PADI6: variants seen among roughly 807,000 people sequenced by gnomAD.
PADI6 encodes the protein peptidyl arginine deiminase 6, also known as inactive protein-arginine deiminase type-6.
A neutral mutation model predicts 78.2 loss-of-function variants in PADI6; 66 were observed. That is an observed-to-expected ratio of 0.84 (90% CI 0.69 to 1.04). The LOEUF is 1.04. Ranked by LOEUF, PADI6 falls within the 50% of genes least tolerant of loss-of-function variation. The pLI, the probability that PADI6 is intolerant of heterozygous loss-of-function variation, is 0.00. For missense variants in PADI6, 854 were observed against 866.1 expected (o/e 0.99, Z 0.18); for synonymous variants, 397 against 346.9 (o/e 1.14, Z -1.60).
chr1:17,389,854 C>T (rs747378188), intron 8 of PADI6, among the ~76,000 whole-genome samples: 25 of 152,204 alleles, frequency 1.6e-4, no homozygotes, highest in Non-Finnish European at 3.5e-4. Context: ...AGGACACCCC[C>T]GCCCCACTCG....
chr1:17,380,780 C>T (rs913483201), intron 4 of PADI6, among the ~76,000 whole-genome samples: 1 of 152,154 alleles, frequency 6.6e-6, no homozygotes, highest in Non-Finnish European at 1.5e-5. Context: ...GTCTCTTTTC[C>T]AATTTGCCTC....
chr1:17,398,323 T>C (rs1428612425), intron 14 of PADI6, among the ~76,000 whole-genome samples: 1 of 152,154 alleles, frequency 6.6e-6, no homozygotes, highest in Non-Finnish European at 1.5e-5. Flanking sequence ...GTCTGAAGCC[T>C]ATTTCAAGAC....
At chr1:17,380,146 A>G (rs1382275575) in intron 4 of PADI6, among the ~76,000 whole-genome samples, 159 bp downstream of exon 4, 1 of 152,196 alleles carries the variant, frequency 6.6e-6, no homozygotes, top group African/African-American at 2.4e-5. Flanking sequence ...CTGTCACGGT[A>G]CAAGTCAGAG....
chr1:17,372,486 A>T, intron 1 of PADI6, 125 bp downstream of exon 1: 2 of 907,940 alleles, frequency 2.2e-6, no homozygotes, highest in East Asian at 4.8e-5. Flanking sequence ...CATCTTGGGA[A>T]GCCTTGGGTC....
At chr1:17,383,137 G>T (rs1445896866) in intron 6 of PADI6, among the ~76,000 whole-genome samples, 1 of 152,178 alleles carries the variant, frequency 6.6e-6, no homozygotes, top group Non-Finnish European at 1.5e-5. Context: ...GCAACGCAGG[G>T]AGCTCTGTGG....
rs367596531 is a variant in PADI6 at position 17,381,034 on chromosome 1, A to G, written c.436-13A>G. 7.7e-5 allele frequency: 122 copies of G among 1,578,538 alleles called. No homozygotes were observed. Among genetic ancestry groups the G allele is most frequent in the Admixed American group, 1.1e-4 (6 of 54,596 alleles). ...GGCTCCTTCCTGAGCCAATGTTCCC[A>G]TCTCATTTGCAGAAAAAATGGATCT... On this transcript the variant is annotated splice_polypyrimidine_tract_variant and intron_variant, in intron 4 of 15. Transcript: ENST00000619609.
chr1:17,384,391 CA>C (rs1204363134), intron 6 of PADI6, among the ~76,000 whole-genome samples: 1 of 152,004 alleles, frequency 6.6e-6, no homozygotes, highest in Non-Finnish European at 1.5e-5. Context: ...CACAGGAGTT[CA>C]AGACCAGCCT....
At chr1:17,392,284 C>A in intron 9 of PADI6, 59 bp downstream of exon 9, 1 of 1,271,196 alleles carries the variant, frequency 7.9e-7, no homozygotes, top group Non-Finnish European at 1.1e-6. Context: ...CAGCATGTGC[C>A]ACCTAAGAGG....
intron 9 of PADI6, among the ~76,000 whole-genome samples, chr1:17,392,545 C>T (rs2075197888): frequency 6.6e-6 from 1 of 152,184 alleles, no homozygotes; most frequent in African/African-American, 2.4e-5. Flanking sequence ...CCCTGGGGTC[C>T]CGCCTGACTC....
At chr1:17,399,554 C>T (rs1167856818) in intron 15 of PADI6, among the ~76,000 whole-genome samples, 2 of 151,912 alleles carry the variant, frequency 1.3e-5, no homozygotes, top group East Asian at 1.9e-4. Flanking sequence ...TAGATCACTC[C>T]ATTGCACTCC....
In PADI6 at chr1:17,401,320, TCAAGTGCACCTTCATCAATGA is replaced by T. The variant is rs1444215788; in HGVS notation, c.1969_1989del (p.Lys657_Asp663del). 6.2e-7 allele frequency: 1 copy of T among 1,613,976 alleles called. No individual in the cohort carries two copies. The highest frequency in any genetic ancestry group is 1.3e-5 in the African/African-American group (1 of 74,952). ...TGCTGCTTGCTGGAGCCCCTGGGCT[TCAAGTGCACCTTCATCAATGA>T]CTTTGACTGTTACCTGACAGAGGTC... On this transcript the variant is annotated inframe_deletion, in exon 16 of 16. Transcript: ENST00000619609.
At chr1:17,388,722 A>G (rs1380798849) in intron 7 of PADI6, 55 bp from the exon 8 acceptor site, 14 of 1,554,618 alleles carry the variant, frequency 9.0e-6, no homozygotes. Context: ...CTGGGGTAAG[A>G]GGGGAGCGAG....
chr1:17,394,487 A>AG, intron 11 of PADI6, 33 bp downstream of exon 11: 1 of 1,604,632 alleles, frequency 6.2e-7, no homozygotes, highest in Non-Finnish European at 8.5e-7. Context: ...TCCAAATGAA[A>AG]GGAAGGGACC....
intron 15 of PADI6, 50 bp downstream of exon 15, chr1:17,398,897 C>T: frequency 1.3e-6 from 2 of 1,569,020 alleles, no homozygotes; most frequent in South Asian, 1.1e-5. Context: ...GTCCAGGCAA[C>T]ACTGGCTGCC....
intron 13 of PADI6, among the ~76,000 whole-genome samples, chr1:17,396,119 C>T (rs1447673675): frequency 6.6e-6 from 1 of 152,024 alleles, no homozygotes; most frequent in Non-Finnish European, 1.5e-5. Flanking sequence ...GGCATGGTGG[C>T]TCACACCTGT....
At chr1:17,375,373 T>G (rs1451280917) in intron 2 of PADI6, 54 bp from the exon 3 acceptor site, 1 of 1,512,248 alleles carries the variant, frequency 6.6e-7, no homozygotes, top group Non-Finnish European at 9.1e-7. Context: ...GGGGCTCTGT[T>G]CCTGGCACCT....
In PADI6 at chr1:17,381,974, G is replaced by GA; in HGVS notation, c.563dup (p.Asn188LysfsTer47). The GA allele has an allele frequency of 1.2e-6, 2 of 1,613,764 alleles. No homozygotes were observed. The highest frequency in any genetic ancestry group is 1.7e-6 in the Non-Finnish European group (2 of 1,179,786). The stretch of plus-strand genomic sequence containing the variant: ...GCTTTGTCTTTTGCCCAGAAATAAC[G>GA]AATCTGTCCCAGATGACTCTGAATG... On this transcript the variant is annotated frameshift_variant, in exon 6 of 16. Transcript: ENST00000619609. LOFTEE classifies it high-confidence loss of function.
chr1:17,380,074 C>G (rs991142883), intron 4 of PADI6, 87 bp downstream of exon 4: 1 of 1,334,144 alleles, frequency 7.5e-7, no homozygotes. Flanking sequence ...TTCCTCGTGT[C>G]TAGCCCAATT....
At chr1:17,376,983 T>C (rs28449475) in intron 3 of PADI6, among the ~76,000 whole-genome samples, 1,856 of 152,078 alleles carry the variant, frequency 0.012, 50 homozygotes, top group African/African-American at 0.042. Context: ...AACGATCCTC[T>C]CACCTCAGCC....
Sources: gnomAD v4.1 joint callset for allele counts (sites outside exome capture counted in the v4.1 genomes callset) on GRCh38, gnomAD v4.1.1 for gene constraint, MANE v1.5 for transcripts, NCBI Gene and HGNC (gene_info 2026-07-23, HGNC 2026-07-21) for gene names.